The following RGS7BP variants were observed in gnomAD, a reference collection of about 807,000 sequenced individuals.
RGS7BP encodes regulator of G protein signaling 7-binding protein.
Under a neutral mutation model 31.3 loss-of-function variants are expected in RGS7BP, and 9 were observed. The ratio of observed to expected loss-of-function variants is 0.29; its 90% CI spans 0.17 to 0.50. The LOEUF is 0.50. Among genes scored for constraint, RGS7BP ranks in the 20% least tolerant of loss-of-function variants. RGS7BP has a pLI of 0.98. For missense variants in RGS7BP, 274 were observed against 322.0 expected (o/e 0.85, Z 1.14); for synonymous variants, 115 against 120.1 (o/e 0.96, Z 0.28).
intron 3 of RGS7BP, among the ~76,000 whole-genome samples, chr5:64,581,544 A>C (rs2111917004): frequency 6.6e-6 from 1 of 152,352 alleles, no homozygotes; most frequent in African/African-American, 2.4e-5. Context: ...TCAGGACATG[A>C]GTTTACTCTT....
chr5:64,591,897 G>A (rs1338798860), intron 3 of RGS7BP, among the ~76,000 whole-genome samples: 1 of 152,122 alleles, frequency 6.6e-6, no homozygotes, highest in Non-Finnish European at 1.5e-5. Context: ...TTATAGAATT[G>A]AAGAAAACAG....
At chr5:64,557,360 C>G in intron 2 of RGS7BP, among the ~76,000 whole-genome samples, 1 of 152,104 alleles carries the variant, frequency 6.6e-6, no homozygotes, top group East Asian at 1.9e-4. Context: ...CTTTCATTTT[C>G]TGCCTGGACC....
intron 2 of RGS7BP, among the ~76,000 whole-genome samples, chr5:64,549,454 C>T (rs988306725): frequency 2.6e-5 from 4 of 152,238 alleles, no homozygotes; most frequent in African/African-American, 4.8e-5. Flanking sequence ...CTCTGCCAAG[C>T]AGTTCTGCCC....
intron 3 of RGS7BP, among the ~76,000 whole-genome samples, chr5:64,590,996 G>A (rs1742899679): frequency 6.6e-6 from 1 of 152,050 alleles, no homozygotes; most frequent in South Asian, 2.1e-4. Context: ...TCAAAACTGT[G>A]CAAGTATTAG....
chr5:64,549,470 G>A (rs1741738263), intron 2 of RGS7BP, among the ~76,000 whole-genome samples: 1 of 152,236 alleles, frequency 6.6e-6, no homozygotes, highest in South Asian at 2.1e-4. Context: ...TGCCCTCAAG[G>A]CTTCAGGCAC....
intron 3 of RGS7BP, among the ~76,000 whole-genome samples, chr5:64,578,202 A>C (rs559247968): frequency 6.6e-6 from 1 of 152,190 alleles, no homozygotes; most frequent in Non-Finnish European, 1.5e-5. Flanking sequence ...CTTCACTGTC[A>C]GTTTCTGCTC....
At chr5:64,550,809 C>T (rs1580422140) in intron 2 of RGS7BP, among the ~76,000 whole-genome samples, 1 of 145,350 alleles carries the variant, frequency 6.9e-6, no homozygotes, top group South Asian at 2.3e-4. Context: ...CAATTCCCAT[C>T]TATGAGTGAG....
chr5:64,572,194 T>C (rs986880995), intron 2 of RGS7BP, among the ~76,000 whole-genome samples: 1 of 152,208 alleles, frequency 6.6e-6, no homozygotes, highest in Non-Finnish European at 1.5e-5. Flanking sequence ...TTCCTAAGGT[T>C]TTGTAATTTA....
At chr5:64,582,432 C>T (rs948690891) in intron 3 of RGS7BP, among the ~76,000 whole-genome samples, 1 of 152,164 alleles carries the variant, frequency 6.6e-6, no homozygotes, top group Non-Finnish European at 1.5e-5. Flanking sequence ...TGTGAACCTG[C>T]CCTTTCTATT....
chr5:64,597,528 A>C (rs1743104846), intron 4 of RGS7BP, among the ~76,000 whole-genome samples: 1 of 151,744 alleles, frequency 6.6e-6, no homozygotes, highest in South Asian at 2.1e-4. Context: ...CAATGTAATA[A>C]GTGTTGGTCC....
At chr5:64,552,856 G>C (rs1390482632) in intron 2 of RGS7BP, among the ~76,000 whole-genome samples, 2 of 151,954 alleles carry the variant, frequency 1.3e-5, no homozygotes, top group Non-Finnish European at 2.9e-5. Context: ...ATTCTGTTTT[G>C]AAGTAACATG....
intron 2 of RGS7BP, among the ~76,000 whole-genome samples, chr5:64,549,782 A>T (rs1211700718): frequency 6.6e-6 from 1 of 152,170 alleles, no homozygotes; most frequent in Non-Finnish European, 1.5e-5. Flanking sequence ...TAATATGGGT[A>T]GGCTGAGAAT....
Position 64,594,830 on chromosome 5 carries a change from T to C in RGS7BP, c.584T>C (p.Val195Ala), listed in dbSNP as rs1297970980. The C allele has an allele frequency of 1.2e-6, 2 of 1,613,614 alleles. No individual in the cohort carries two copies. The highest frequency in any genetic ancestry group is 1.7e-5 in the Admixed American group (1 of 59,964). ...PVDSQQHSWQ[V>A]STDIENTERD... is the part of the protein sequence containing the mutation. Reference sequence around the variant, plus strand: ...GATAGTCAGCAACATTCCTGGCAGGTTTCCACAGACATTGAGAACACTGAA... The same window carrying C: ...GATAGTCAGCAACATTCCTGGCAGGCTTCCACAGACATTGAGAACACTGAA... The change falls in exon 4 of 6, where the codon GTT (valine) becomes GCT (alanine). Residue 195 changes from valine (V) to alanine (A), a missense_variant. Transcript: ENST00000334025.
At chr5:64,510,076 A>G (rs112318094) in intron 2 of RGS7BP, among the ~76,000 whole-genome samples, 46 of 152,316 alleles carry the variant, frequency 3.0e-4, no homozygotes, top group African/African-American at 1.1e-3. Flanking sequence ...AGGCTGTAGG[A>G]GTCACTTTAA....
intron 2 of RGS7BP, among the ~76,000 whole-genome samples, chr5:64,517,050 A>AAT (rs1205614708): frequency 6.6e-6 from 1 of 150,812 alleles, no homozygotes; most frequent in African/African-American, 2.4e-5. Context: ...TAGGTTGGGC[A>AAT]ATTCGGAACT....
At chr5:64,559,917 G>A (rs1742013272) in intron 2 of RGS7BP, among the ~76,000 whole-genome samples, 1 of 152,054 alleles carries the variant, frequency 6.6e-6, no homozygotes, top group African/African-American at 2.4e-5. Context: ...CAAACTAGTT[G>A]GTCAAAATCC....
chr5:64,526,420 C>T (rs565302676), intron 2 of RGS7BP, among the ~76,000 whole-genome samples: 175 of 152,278 alleles, frequency 1.1e-3, no homozygotes, highest in African/African-American at 3.9e-3. Context: ...ATCACTAAAT[C>T]CTAGAGCTTT....
intron 2 of RGS7BP, among the ~76,000 whole-genome samples, chr5:64,544,745 TAGA>T (rs1209219414): frequency 2.6e-5 from 4 of 152,072 alleles, no homozygotes; most frequent in East Asian, 1.9e-4. Context: ...GTGTGATGAC[TAGA>T]AGAAGAACAT....
intron 2 of RGS7BP, among the ~76,000 whole-genome samples, chr5:64,523,018 G>A (rs1048763683): frequency 1.3e-5 from 2 of 152,086 alleles, no homozygotes; most frequent in Non-Finnish European, 2.9e-5. Context: ...AAGAGAAAAT[G>A]GGGAAGGAGG....
Sources: allele counts gnomAD v4.1 joint callset (sites outside exome capture counted in the v4.1 genomes callset), GRCh38; gene constraint gnomAD v4.1.1; transcripts MANE v1.5; gene names NCBI Gene and HGNC (gene_info 2026-07-23, HGNC 2026-07-21).